Variants in FSD2 observed in about 807,000 individuals in gnomAD.
The protein encoded by FSD2 is fibronectin type III and SPRY domain containing 2, also known as fibronectin type III and SPRY domain-containing protein 2.
In FSD2, 71 loss-of-function variants were observed where a neutral mutation model predicts 80.4. That is an observed-to-expected ratio of 0.88 (90% CI 0.73 to 1.08). The LOEUF (loss-of-function observed/expected upper bound fraction) is 1.08. FSD2 is among the 50% of genes least tolerant of loss of function. The pLI is 0.00. For synonymous variants in FSD2, 361 were observed against 329.5 expected (o/e 1.10, Z -1.03); for missense variants, 923 against 913.8 (o/e 1.01, Z -0.13).
chr15:82,786,774 T>G lies in FSD2; in HGVS notation c.617A>C (p.Asn206Thr). 6.2e-7 allele frequency: 1 copy of G among 1,613,804 alleles called. No individual in the cohort carries two copies. The highest frequency in any genetic ancestry group is 8.5e-7 in the Non-Finnish European group (1 of 1,179,776). Residue 206 changes from asparagine (N) to threonine (T), a missense_variant, in exon 2 of 13, where the codon AAT becomes ACT. Asn to Thr is a moderately conservative substitution (Grantham distance 65, BLOSUM62 0). Transcript: ENST00000334574. ...TACCTTGGCACTTTCCAGTGCTTCA[T>G]TGAGTGGGATCACTTCATGCTCCTT... Reference protein sequence around the residue: ...EHKEHEVIPLNEALESAKDEI... With the variant: ...EHKEHEVIPLTEALESAKDEI...
At chr15:82,804,615 C>A (rs182822333) in intron 1 of FSD2, among the ~76,000 whole-genome samples, 292 of 152,292 alleles carry the variant, frequency 1.9e-3, no homozygotes, top group African/African-American at 6.8e-3. Flanking sequence ...CTTACATTCC[C>A]ATGTGCTACC....
chr15:82,794,728 T>A (rs1208101652), intron 1 of FSD2, among the ~76,000 whole-genome samples: 1 of 143,532 alleles, frequency 7.0e-6, no homozygotes, highest in East Asian at 1.9e-4. Context: ...GCTCTTTTCT[T>A]TTTTTTTTTT....
intron 6 of FSD2, among the ~76,000 whole-genome samples, chr15:82,776,246 C>T (rs2049710332): frequency 2.0e-5 from 3 of 152,120 alleles, no homozygotes; most frequent in Non-Finnish European, 1.5e-5. Context: ...ATGATCACAC[C>T]ACTATACTCC....
At chr15:82,796,703 C>G (rs563731190) in intron 1 of FSD2, among the ~76,000 whole-genome samples, 8 of 152,304 alleles carry the variant, frequency 5.3e-5, no homozygotes, top group African/African-American at 1.9e-4. Context: ...GCTATTCTCT[C>G]TTTCTCCCCT....
Position 82,756,145 on chromosome 15 carries a change from C to T in FSD2, c.*3203G>A, listed in dbSNP as rs1328270029. The T allele has an allele frequency of 2.9e-6, 1 of 341,804 alleles. No individual in the cohort carries two copies. Among genetic ancestry groups the T allele is most frequent in the African/African-American group, 2.1e-5 (1 of 47,132 alleles). The allele number at this position is 341,804 out of a possible 1,614,324, so 21.2% of individuals were successfully genotyped here. The stretch of plus-strand genomic sequence containing the variant: ...TATAGATGAGAAAACTGGAGAAAGA[C>T]ATAGTGAACATGTGAGAATCTTGCT... On this transcript the variant is annotated 3_prime_UTR_variant, in exon 13 of 13. Coordinates refer to ENST00000334574, the MANE Select transcript of FSD2 (RefSeq NM_001007122.4).
intron 5 of FSD2, among the ~76,000 whole-genome samples, chr15:82,779,241 AC>A (rs2049793166): frequency 6.6e-6 from 1 of 152,148 alleles, no homozygotes; most frequent in South Asian, 2.1e-4. Context: ...CCCAAGAGGT[AC>A]TGAGGGTCCA....
At chr15:82,767,062 T>G (rs2049440392) in intron 9 of FSD2, among the ~76,000 whole-genome samples, 1 of 152,190 alleles carries the variant, frequency 6.6e-6, no homozygotes, top group African/African-American at 2.4e-5. Flanking sequence ...CTTTTACTTA[T>G]GCATTCAATA....
At chr15:82,792,383 T>C (rs2050172287) in intron 1 of FSD2, among the ~76,000 whole-genome samples, 1 of 152,242 alleles carries the variant, frequency 6.6e-6, no homozygotes, top group African/African-American at 2.4e-5. Flanking sequence ...TTAGTTATCT[T>C]TCATGTATTT....
chr15:82,759,800 CTT>C (rs372309637), intron 12 of FSD2, among the ~76,000 whole-genome samples, 200 bp from the exon 13 acceptor site: 2 of 146,830 alleles, frequency 1.4e-5, no homozygotes, highest in Non-Finnish European at 1.5e-5. Flanking sequence ...GAAACATTTT[CTT>C]TTTTTTTTTT....
In FSD2 at chr15:82,762,169, G is replaced by A. The variant is rs766235447; in HGVS notation, c.1930C>T (p.Arg644Cys). 7.4e-6 allele frequency: 12 copies of A among 1,613,038 alleles called. No homozygotes were observed. The highest frequency in any genetic ancestry group is 3.3e-5 in the Admixed American group (2 of 59,878). ...TTTGCTCCCAGATCCTCCTGTTTAC[G>A]GACATCTGCAAAGGCCACACCAACT... ...YRVGVAFADV[R>C]KQEDLGANCL... The change falls in exon 12 of 13, where the codon CGT becomes TGT. Residue 644 changes from arginine (R) to cysteine (C), a missense_variant. Arg to Cys is a radical substitution (Grantham distance 180). Coordinates refer to ENST00000334574, the MANE Select transcript of FSD2 (RefSeq NM_001007122.4).
At chr15:82,763,182 A>G (rs1342790249) in intron 11 of FSD2, among the ~76,000 whole-genome samples, 4 of 152,190 alleles carry the variant, frequency 2.6e-5, no homozygotes, top group African/African-American at 9.6e-5. Flanking sequence ...CAAATGGAAA[A>G]AGTCATATTC....
In FSD2 at chr15:82,762,195, CTG is replaced by C. The variant is rs1419463683; in HGVS notation, c.1902_1903del (p.Tyr634Ter). Reference sequence around the variant, plus strand: ...GACATCTGCAAAGGCCACACCAACTCTGTAGTCCAAATGCTCATCCACCTCCA... The same window carrying C: ...GACATCTGCAAAGGCCACACCAACTCTAGTCCAAATGCTCATCCACCTCCA... On this transcript the variant is annotated stop_gained and frameshift_variant, in exon 12 of 13. Transcript: ENST00000334574. LOFTEE classifies it high-confidence loss of function. The C allele has an allele frequency of 6.2e-7, 1 of 1,613,922 alleles. No individual in the cohort carries two copies. Among genetic ancestry groups the C allele is most frequent in the Non-Finnish European group, 8.5e-7 (1 of 1,179,850 alleles).
chr15:82,768,785 GC>G, intron 9 of FSD2, 94 bp downstream of exon 9: 1 of 1,184,982 alleles, frequency 8.4e-7, no homozygotes, highest in Non-Finnish European at 1.1e-6. Flanking sequence ...TATCAAAAAT[GC>G]CAACCTTCTC....
intron 12 of FSD2, among the ~76,000 whole-genome samples, chr15:82,760,061 T>G (rs2049256057): frequency 6.6e-6 from 1 of 152,230 alleles, no homozygotes; most frequent in African/African-American, 2.4e-5. Context: ...CCCAAAGTGC[T>G]GGGATTACAA....
intron 1 of FSD2, 46 bp from the exon 2 acceptor site, chr15:82,787,514 T>C (rs1666651737): frequency 2.3e-6 from 2 of 874,020 alleles, no homozygotes; most frequent in East Asian, 2.5e-5. Context: ...AGAAGGGCAT[T>C]GCAGTAGATG....
chr15:82,775,626 A>G (rs2049698033), intron 6 of FSD2, among the ~76,000 whole-genome samples: 1 of 152,134 alleles, frequency 6.6e-6, no homozygotes. Flanking sequence ...GATGTCATAT[A>G]TGACATTTTT....
chr15:82,766,177 G>C, intron 9 of FSD2, 146 bp from the exon 10 acceptor site: 1 of 857,588 alleles, frequency 1.2e-6, no homozygotes, highest in Non-Finnish European at 1.7e-6. Context: ...AGCCAGGAGT[G>C]CTGGCTCCCC....
chr15:82,786,634 T>C, intron 2 of FSD2, 28 bp from the exon 3 acceptor site: 15 of 1,607,466 alleles, frequency 9.3e-6, no homozygotes, highest in Non-Finnish European at 1.2e-5. Context: ...ACAAAGAAGG[T>C]ATTAATGTTA....
intron 9 of FSD2, among the ~76,000 whole-genome samples, chr15:82,768,030 G>A (rs970444401): frequency 6.6e-6 from 1 of 152,164 alleles, no homozygotes; most frequent in Non-Finnish European, 1.5e-5. Flanking sequence ...ATAGGCTGCT[G>A]TAAACTCATA....
Sources: allele counts gnomAD v4.1 joint callset (sites outside exome capture counted in the v4.1 genomes callset), GRCh38; gene constraint gnomAD v4.1.1; transcripts MANE v1.5; gene names NCBI Gene and HGNC (gene_info 2026-07-23, HGNC 2026-07-21).